ZNF184: variants seen among roughly 807,000 people sequenced by gnomAD.
ZNF184 encodes the protein zinc finger protein 184 (Kruppel-like).
ZNF184 carries 16 observed loss-of-function variants against 54.4 expected under a neutral mutation model. The ratio of observed to expected loss-of-function variants is 0.29; its 90% CI spans 0.20 to 0.45. ZNF184 has a LOEUF of 0.45. ZNF184 is among the 20% of genes least tolerant of loss of function. ZNF184 has a pLI of 1.00. For missense variants in ZNF184, 681 were observed against 888.2 expected (o/e 0.77, Z 2.97); for synonymous variants, 254 against 295.3 (o/e 0.86, Z 1.43).
the ZNF184 span, among the ~76,000 whole-genome samples, chr6:27,415,392 T>C: frequency 6.6e-6 from 1 of 152,212 alleles, no homozygotes; most frequent in East Asian, 1.9e-4. Context: ...TAATTATATT[T>C]CTGTTACTGG....
At chr6:27,466,966 C>G (rs1243595444) in intron 3 of ZNF184, among the ~76,000 whole-genome samples, 1 of 152,208 alleles carries the variant, frequency 6.6e-6, no homozygotes, top group Non-Finnish European at 1.5e-5. Flanking sequence ...CATATTCTGA[C>G]TTCATTCAAT....
At chr6:27,433,946 T>TCCTCTCCCTC in the ZNF184 span, among the ~76,000 whole-genome samples, 1 of 43,500 alleles carries the variant, frequency 2.3e-5, no homozygotes, top group Admixed American at 2.2e-4. Context: ...TCTCCTTCCT[T>TCCTCTCCCTC]CCTTCTTTCC....
the ZNF184 span, among the ~76,000 whole-genome samples, chr6:27,436,348 G>T: frequency 6.6e-6 from 1 of 152,160 alleles, no homozygotes; most frequent in African/African-American, 2.4e-5. Context: ...ATTTTTAGTA[G>T]AGAAGGGGTT....
At chr6:27,460,846 T>G (rs1222380816) in intron 3 of ZNF184, among the ~76,000 whole-genome samples, 1 of 152,122 alleles carries the variant, frequency 6.6e-6, no homozygotes, top group African/African-American at 2.4e-5. Flanking sequence ...GAAGAAAGAA[T>G]ATAAGCAGCA....
At chr6:27,445,992 A>G (rs11966553), downstream of ZNF184, among the ~76,000 whole-genome samples, 2,603 of 152,286 alleles carry the variant, frequency 0.017, 47 homozygotes, top group African/African-American at 0.045. Context: ...GAGATGTGAG[A>G]GGAAAGAAAT....
chr6:27,421,606 C>T, the ZNF184 span, among the ~76,000 whole-genome samples: 1 of 152,040 alleles, frequency 6.6e-6, no homozygotes, highest in African/African-American at 2.4e-5. Flanking sequence ...GAAACATGAA[C>T]AAAGATATAT....
chr6:27,446,052 A>T (rs35394453), downstream of ZNF184, among the ~76,000 whole-genome samples: 86,151 of 152,054 alleles, frequency 0.57, 24,602 homozygotes, highest in Middle Eastern at 0.74. Context: ...ATATTTGGAA[A>T]ATGTATAGCC....
the ZNF184 span, among the ~76,000 whole-genome samples, chr6:27,424,378 C>T: frequency 2.6e-5 from 4 of 152,274 alleles, no homozygotes; most frequent in African/African-American, 7.2e-5. Flanking sequence ...ACAGAGTTGC[C>T]ACTGCTGGCC....
chr6:27,471,507 G>A (rs1029466619), intron 2 of ZNF184, among the ~76,000 whole-genome samples: 12 of 152,154 alleles, frequency 7.9e-5, no homozygotes, highest in Non-Finnish European at 1.5e-4. Flanking sequence ...CCGAGTCAAA[G>A]GAAGTAGTAC....
intron 5 of ZNF184, among the ~76,000 whole-genome samples, chr6:27,455,828 A>G (rs1762839978): frequency 1.3e-5 from 2 of 152,118 alleles, no homozygotes. Flanking sequence ...AACTCTAGAG[A>G]CGTATCGCTT....
At chr6:27,460,735 T>C (rs1340409666) in intron 3 of ZNF184, among the ~76,000 whole-genome samples, 1 of 152,210 alleles carries the variant, frequency 6.6e-6, no homozygotes, top group African/African-American at 2.4e-5. Context: ...AATGCAAAGT[T>C]ACCAACATGA....
intron 5 of ZNF184, 60 bp downstream of exon 5, chr6:27,456,764 CCT>C: frequency 7.2e-7 from 1 of 1,394,818 alleles, no homozygotes; most frequent in South Asian, 1.2e-5. Context: ...GACATAAAAT[CCT>C]CTCTTATCAG....
chr6:27,424,960 G>A, the ZNF184 span, among the ~76,000 whole-genome samples: 15 of 152,322 alleles, frequency 9.8e-5, no homozygotes, highest in South Asian at 1.7e-3. Flanking sequence ...TGCAGGTCCC[G>A]AGGCCTGCCC....
At chr6:27,420,181 C>T in the ZNF184 span, among the ~76,000 whole-genome samples, 1 of 152,182 alleles carries the variant, frequency 6.6e-6, no homozygotes. Flanking sequence ...TACTAAGTAT[C>T]CGATAAATGC....
chr6:27,459,453 T>C (rs1430330312), intron 3 of ZNF184, among the ~76,000 whole-genome samples: 2 of 151,306 alleles, frequency 1.3e-5, no homozygotes, highest in African/African-American at 4.8e-5. Context: ...AATAGGCAAG[T>C]CACCGAGGAA....
the ZNF184 span, among the ~76,000 whole-genome samples, chr6:27,418,962 A>G: frequency 6.6e-6 from 1 of 152,212 alleles, no homozygotes; most frequent in Non-Finnish European, 1.5e-5. Context: ...ATATTTTAAA[A>G]TATATTTTAA....
chr6:27,461,447 A>T (rs998630267), intron 3 of ZNF184, among the ~76,000 whole-genome samples: 1 of 152,174 alleles, frequency 6.6e-6, no homozygotes, highest in Non-Finnish European at 1.5e-5. Flanking sequence ...GGTCCCTGAA[A>T]CACAGCCCTA....
At chr6:27,464,085 C>T (rs988272682) in intron 3 of ZNF184, among the ~76,000 whole-genome samples, 1 of 152,130 alleles carries the variant, frequency 6.6e-6, no homozygotes, top group Non-Finnish European at 1.5e-5. Flanking sequence ...CACTCCCTAC[C>T]AAGTCATGAC....
intron 3 of ZNF184, among the ~76,000 whole-genome samples, chr6:27,464,959 G>A (rs892163444): frequency 1.4e-5 from 2 of 144,852 alleles, no homozygotes; most frequent in Admixed American, 7.0e-5. Flanking sequence ...GGAGCTTGCA[G>A]TGAGCCGAGA....
Sources: gnomAD v4.1 joint callset for allele counts (sites outside exome capture counted in the v4.1 genomes callset) on GRCh38, gnomAD v4.1.1 for gene constraint, MANE v1.5 for transcripts, NCBI Gene and HGNC (gene_info 2026-07-23, HGNC 2026-07-21) for gene names.